The following ZBTB20 variants were observed in gnomAD, a reference collection of about 807,000 sequenced individuals.
ZBTB20 encodes zinc finger and BTB domain containing 20.
Under a neutral mutation model 56.9 loss-of-function variants are expected in ZBTB20, and 9 were observed. The ratio of observed to expected loss-of-function variants is 0.16; its 90% confidence interval spans 0.10 to 0.28. The LOEUF is 0.28. ZBTB20 is among the 10% of genes least tolerant of loss of function. The pLI, the probability that ZBTB20 is intolerant of heterozygous loss-of-function variation, is 1.00. For missense variants in ZBTB20, 655 were observed against 1,003.0 expected, an observed-to-expected ratio of 0.65 and a Z score of 4.69; for synonymous variants, 417 against 420.7, an observed-to-expected ratio of 0.99 and a Z score of 0.11.
At chr3:114,681,605 T>C (rs1017688458) in intron 6 of ZBTB20, among the ~76,000 whole-genome samples, 2 of 152,224 alleles carry the variant, frequency 1.3e-5, no homozygotes, top group African/African-American at 2.4e-5. Flanking sequence ...TTAAAATCAA[T>C]GTGGATTTGT....
intron 4 of ZBTB20, among the ~76,000 whole-genome samples, chr3:114,836,850 A>G (rs1282554483): frequency 6.6e-6 from 1 of 152,226 alleles, no homozygotes; most frequent in South Asian, 2.1e-4. Flanking sequence ...AGGAAAGATG[A>G]TATCATTCCT....
intron 5 of ZBTB20, among the ~76,000 whole-genome samples, chr3:114,699,617 G>C (rs1305936977): frequency 2.0e-5 from 3 of 152,058 alleles, no homozygotes; most frequent in Non-Finnish European, 1.5e-5. Flanking sequence ...AAAAAATGGG[G>C]CTACCATCTT....
At chr3:114,355,883 C>A (rs1308794234) in intron 10 of ZBTB20, among the ~76,000 whole-genome samples, 6 of 149,796 alleles carry the variant, frequency 4.0e-5, no homozygotes, top group African/African-American at 7.3e-5. Context: ...ATCAACTGTA[C>A]AAAACCACAA....
At chr3:115,106,918 GACTAA>G (rs1207659377) in intron 1 of ZBTB20, among the ~76,000 whole-genome samples, 3 of 151,876 alleles carry the variant, frequency 2.0e-5, no homozygotes, top group African/African-American at 7.3e-5. Context: ...AAGAATGAAT[GACTAA>G]ACAAACAACA....
chr3:115,076,768 A>C (rs1388514765), intron 1 of ZBTB20, among the ~76,000 whole-genome samples: 2 of 152,250 alleles, frequency 1.3e-5, no homozygotes, highest in Non-Finnish European at 2.9e-5. Flanking sequence ...AAATATCTAC[A>C]AACCTTATAT....
chr3:114,799,711 A>G (rs768387643), intron 5 of ZBTB20, among the ~76,000 whole-genome samples: 3 of 151,970 alleles, frequency 2.0e-5, no homozygotes, highest in Non-Finnish European at 4.4e-5. Flanking sequence ...AACAATAACA[A>G]TAACTATCAT....
chr3:114,542,100 T>G (rs993115739), intron 6 of ZBTB20, among the ~76,000 whole-genome samples: 1 of 152,188 alleles, frequency 6.6e-6, no homozygotes, highest in Non-Finnish European at 1.5e-5. Context: ...TTTTTCACAA[T>G]AGTTTCATTA....
intron 6 of ZBTB20, among the ~76,000 whole-genome samples, chr3:114,538,601 GC>G (rs1366600998): frequency 6.6e-6 from 1 of 151,982 alleles, no homozygotes; most frequent in Non-Finnish European, 1.5e-5. Flanking sequence ...ATACTGAATT[GC>G]CAAAGAGATA....
chr3:114,653,132 T>A (rs945578440), intron 6 of ZBTB20, among the ~76,000 whole-genome samples: 1 of 151,976 alleles, frequency 6.6e-6, no homozygotes, highest in East Asian at 1.9e-4. Flanking sequence ...TAATTTATTT[T>A]ACTCGTCTTA....
At chr3:114,662,670 T>C (rs1229488161) in intron 6 of ZBTB20, among the ~76,000 whole-genome samples, 3 of 144,416 alleles carry the variant, frequency 2.1e-5, no homozygotes, top group Non-Finnish European at 4.5e-5. Context: ...GATGAGCATT[T>C]TTTCATGTGT....
intron 2 of ZBTB20, among the ~76,000 whole-genome samples, chr3:115,041,220 T>C (rs1035741362): frequency 6.6e-6 from 1 of 152,128 alleles, no homozygotes; most frequent in Non-Finnish European, 1.5e-5. Flanking sequence ...CTAAACTTCA[T>C]AAAGTCATGT....
chr3:114,650,501 C>T (rs1413436401), intron 6 of ZBTB20, among the ~76,000 whole-genome samples: 1 of 151,934 alleles, frequency 6.6e-6, no homozygotes, highest in East Asian at 1.9e-4. Flanking sequence ...AAGCATATTC[C>T]CATGAAGATC....
At chr3:114,942,949 C>T (rs961296203) in intron 3 of ZBTB20, among the ~76,000 whole-genome samples, 3 of 145,214 alleles carry the variant, frequency 2.1e-5, no homozygotes, top group Non-Finnish European at 3.0e-5. Context: ...GAGGTGAGGC[C>T]TGTATTCTTT....
At position 114,834,445 on chromosome 3, in the gene ZBTB20, C is replaced by T. The variant is rs367673599; in HGVS notation, c.-416-33271G>A. 3.9e-5 allele frequency among the ~76,000 whole-genome samples: 6 copies of T among 152,188 alleles called. No homozygotes were observed. The East Asian group carries it at 9.6e-4, about 24-fold the overall frequency. On this transcript the variant is annotated intron_variant, in intron 4 of 11. Coordinates refer to ENST00000675478, the MANE Select transcript of ZBTB20 (RefSeq NM_001348800.3). ...AATAATAAACTTCTTCTGGTAAGTT[C>T]GTCTCTTAGTCTTAGATTTACATTC...
At chr3:114,438,873 G>A (rs1325780138) in intron 7 of ZBTB20, among the ~76,000 whole-genome samples, 4 of 152,108 alleles carry the variant, frequency 2.6e-5, no homozygotes, top group Non-Finnish European at 5.9e-5. Flanking sequence ...CATGAAGCTG[G>A]CCCTAGTTTT....
chr3:115,134,483 CT>C (rs1230969676), intron 1 of ZBTB20, among the ~76,000 whole-genome samples: 9 of 148,538 alleles, frequency 6.1e-5, no homozygotes, highest in East Asian at 2.0e-4. Flanking sequence ...CAAATCTCAT[CT>C]TTTTTTTTTC....
chr3:114,648,697 A>G (rs1218575345), intron 6 of ZBTB20, among the ~76,000 whole-genome samples: 4 of 152,084 alleles, frequency 2.6e-5, no homozygotes, highest in African/African-American at 9.6e-5. Context: ...ATTAAGAAAA[A>G]CAAAACATGT....
chr3:114,892,416 C>G (rs1193893310), intron 4 of ZBTB20, among the ~76,000 whole-genome samples: 1 of 152,208 alleles, frequency 6.6e-6, no homozygotes, highest in Non-Finnish European at 1.5e-5. Flanking sequence ...GCCACCTGAT[C>G]ACCATTATAC....
intron 2 of ZBTB20, among the ~76,000 whole-genome samples, chr3:114,982,521 A>G (rs986387452): frequency 6.6e-6 from 1 of 152,034 alleles, no homozygotes; most frequent in African/African-American, 2.4e-5. Context: ...CTTAAAAAAT[A>G]AATAAAATAA....
Sources: gnomAD v4.1 joint callset for allele counts (sites outside exome capture counted in the v4.1 genomes callset) on GRCh38, gnomAD v4.1.1 for gene constraint, MANE v1.5 for transcripts, NCBI Gene and HGNC (gene_info 2026-07-23, HGNC 2026-07-21) for gene names.